The following KLK6 variants were observed in gnomAD, a reference collection of about 807,000 sequenced individuals.
KLK6 encodes the protein kallikrein-6.
KLK6 carries 16 observed loss-of-function variants against 21.7 expected under a neutral mutation model. The ratio of observed to expected loss-of-function variants is 0.74; its 90% CI spans 0.50 to 1.12. The LOEUF is 1.12. Among genes scored for constraint, KLK6 ranks in the 50% most tolerant of loss-of-function variants. The pLI, the probability that KLK6 is intolerant of heterozygous loss-of-function variation, is 0.00. For synonymous variants in KLK6, 116 were observed against 120.1 expected, an observed-to-expected ratio of 0.97 and a Z score of 0.22; for missense variants, 276 against 304.6, an observed-to-expected ratio of 0.91 and a Z score of 0.70.
intron 6 of KLK6, among the ~76,000 whole-genome samples, chr19:50,960,972 G>T (rs1304356935): frequency 1.3e-5 from 2 of 152,202 alleles, no homozygotes; most frequent in Non-Finnish European, 2.9e-5. Context: ...CCCCATATCG[G>T]CCAGGCTGGT....
chr19:50,962,222 C>T, intron 5 of KLK6: 2 of 245,658 alleles, frequency 8.1e-6, no homozygotes, highest in African/African-American at 2.3e-5. Context: ...TTTCAGTTGA[C>T]CTGGAGGACT....
chr19:50,959,356 C>T, intron 6 of KLK6, 40 bp from the exon 7 acceptor site: 1 of 1,383,330 alleles, frequency 7.2e-7, no homozygotes, highest in Non-Finnish European at 1.0e-6. Flanking sequence ...AGATAGAAAC[C>T]CAGAGACTGT....
At chr19:50,960,390 G>A (rs12461228) in intron 6 of KLK6, among the ~76,000 whole-genome samples, 53,741 of 151,688 alleles carry the variant, frequency 0.35, 10,807 homozygotes, top group East Asian at 0.64. Context: ...ACATCCCTCA[G>A]TGCATTAGTC....
chr19:50,964,123 G>C (rs1357422212), intron 4 of KLK6, among the ~76,000 whole-genome samples: 1 of 152,064 alleles, frequency 6.6e-6, no homozygotes, highest in Non-Finnish European at 1.5e-5. Context: ...CCAAACGCTG[G>C]CTTCCCTGTC....
In KLK6 at chr19:50,958,966, C is replaced by T. The variant is rs1188508350; in HGVS notation, c.*198G>A. 7 of 622,868 alleles carry T rather than the reference C, an allele frequency of 1.1e-5. No homozygotes were observed. The highest frequency in any genetic ancestry group is 2.0e-5 in the Non-Finnish European group (7 of 348,034). 38.6% of individuals were successfully genotyped at this position (622,868 alleles called of 1,614,324 possible). On this transcript the variant is annotated 3_prime_UTR_variant, in exon 7 of 7. Coordinates refer to ENST00000310157, the MANE Select transcript of KLK6 (RefSeq NM_002774.4). The stretch of plus-strand genomic sequence containing the variant: ...GTAAGACCGAGGACCCAAGTCCTCA[C>T]TCATCACGTCCTCCCCAGTGATGCA...
At chr19:50,961,710 T>A (rs761203981) in intron 6 of KLK6, 34 bp downstream of exon 6, 2 of 1,607,352 alleles carry the variant, frequency 1.2e-6, no homozygotes, top group Non-Finnish European at 1.7e-6. Context: ...GTCCTGTCCC[T>A]GGCTGTGTAA....
At chr19:50,967,416 G>A (rs1354967380) in intron 3 of KLK6, 91 bp from the exon 4 acceptor site, 14 of 1,305,112 alleles carry the variant, frequency 1.1e-5, no homozygotes, top group African/African-American at 2.9e-5. Flanking sequence ...TTGGTCAGGT[G>A]CAGTGGCTTA....
intron 2 of KLK6, 176 bp from the exon 3 acceptor site, chr19:50,968,288 A>G (rs1054247854): frequency 4.5e-6 from 3 of 665,024 alleles, no homozygotes; most frequent in African/African-American, 1.8e-5. Flanking sequence ...ATCTTCCATC[A>G]GAGGATCCCA....
intron 4 of KLK6, among the ~76,000 whole-genome samples, chr19:50,965,126 C>T (rs1372839710): frequency 2.0e-5 from 3 of 152,108 alleles, no homozygotes; most frequent in Admixed American, 6.6e-5. Context: ...GACAGGGTCT[C>T]GCTCTGTCAC....
chr19:50,966,629 C>T (rs1046537951), intron 4 of KLK6, among the ~76,000 whole-genome samples: 2 of 152,162 alleles, frequency 1.3e-5, no homozygotes, highest in East Asian at 1.9e-4. Context: ...GGTGAAACCC[C>T]GTCTCTACCA....
At chr19:50,961,936 C>T in intron 5 of KLK6, 56 bp from the exon 6 acceptor site, 1 of 1,565,654 alleles carries the variant, frequency 6.4e-7, no homozygotes, top group Non-Finnish European at 8.6e-7. Context: ...CCCTCATCCT[C>T]CCCAGTCACC....
intron 4 of KLK6, among the ~76,000 whole-genome samples, chr19:50,965,571 C>G (rs12974838): frequency 7.2e-5 from 11 of 152,158 alleles, no homozygotes; most frequent in African/African-American, 1.2e-4. Context: ...AGCCACCATG[C>G]CCAGCCCTCA....
In KLK6 at chr19:50,966,418, C is replaced by T. The variant is rs943852562; in HGVS notation, c.197+751G>A. ...GGTTCAAGCCACCCTCCTATGTCGCCGGATGAAAGCAACAGCCCCCACGTG... is the reference window on the plus strand; with the variant it reads ...GGTTCAAGCCACCCTCCTATGTCGCTGGATGAAAGCAACAGCCCCCACGTG... On this transcript the variant is annotated intron_variant, in intron 4 of 6. Coordinates refer to ENST00000310157, the MANE Select transcript of KLK6 (RefSeq NM_002774.4). Among the ~76,000 whole-genome samples the T allele has an allele frequency of 5.3e-5, 8 of 152,344 alleles. No individual in the cohort carries two copies. The South Asian group carries it at 6.2e-4, about 12-fold the overall frequency.
At chr19:50,967,395 T>A in intron 3 of KLK6, 70 bp from the exon 4 acceptor site, 1 of 1,441,802 alleles carries the variant, frequency 6.9e-7, no homozygotes, top group Non-Finnish European at 9.4e-7. Context: ...CAACATGAAC[T>A]CCAGTCAAGA....
intron 5 of KLK6, 172 bp from the exon 6 acceptor site, chr19:50,962,052 C>T: frequency 1.6e-6 from 1 of 618,642 alleles, no homozygotes; most frequent in Non-Finnish European, 2.6e-6. Flanking sequence ...TCGTCCCTGC[C>T]TCCTAATTGG....
In KLK6 at chr19:50,961,812, A is replaced by G. The variant is rs2090845653; in HGVS notation, c.514T>C (p.Tyr172His). 2 of 1,614,046 alleles carry G rather than the reference A, an allele frequency of 1.2e-6. No individual in the cohort carries two copies. The highest frequency in any genetic ancestry group is 1.7e-6 in the Non-Finnish European group (2 of 1,179,966). ...LVSREECEHAYPGQITQNMLC... is the reference protein window; with the variant it reads ...LVSREECEHAHPGQITQNMLC... ...ATGTTCTGGGTGATCTGGCCAGGGT[A>G]GGCATGCTCACACTCCTCACGGGAC... Residue 172 changes from tyrosine to histidine, a missense_variant, in exon 6 of 7, where the codon TAC (tyrosine) becomes CAC (histidine). Physicochemically the swap from Tyr to His is moderately conservative, Grantham distance 83 (BLOSUM62 2). Transcript: ENST00000310157.
At position 50,963,364 on chromosome 19, in the gene KLK6, T is replaced by A. The variant is rs1436812073; in HGVS notation, c.383A>T (p.Glu128Val). The change falls in exon 5 of 7, where the codon GAG (glutamate) becomes GTG (valine). Residue 128 changes from glutamate to valine, a missense_variant. Glu to Val is a moderately radical substitution (Grantham distance 121). Coordinates refer to ENST00000310157, the MANE Select transcript of KLK6 (RefSeq NM_002774.4). Reference sequence around the variant, plus strand: ...GGTGGTGTTGGCTGAGCAGTCCCTCTCCAGGGGAAGGGGCTGGATGAGTTC... The same window carrying A: ...GGTGGTGTTGGCTGAGCAGTCCCTCACCAGGGGAAGGGGCTGGATGAGTTC... ...LSELIQPLPL[E>V]RDCSANTTSC... 1.2e-6 allele frequency: 2 copies of A among 1,614,110 alleles called. No individual in the cohort carries two copies. The highest frequency in any genetic ancestry group is 3.3e-5 in the Admixed American group (2 of 60,014).
chr19:50,965,754 C>A (rs79674355), intron 4 of KLK6, among the ~76,000 whole-genome samples: 1 of 152,166 alleles, frequency 6.6e-6, no homozygotes, highest in Non-Finnish European at 1.5e-5. Flanking sequence ...CCAAGGTCTC[C>A]TTGGGGTCAG....
Position 50,959,328 on chromosome 19 carries a change from A to AG in KLK6, c.583-13dup, listed in dbSNP as rs1568534631. On this transcript the variant is annotated splice_polypyrimidine_tract_variant and intron_variant, in intron 6 of 6. Transcript: ENST00000310157. ...CCCCCAGAATCACCCTGCAGGAAAG[A>AG]GGGAGAAAGTCAGATACAGATAGAA... The AG allele has an allele frequency of 1.2e-6, 2 of 1,612,516 alleles. No homozygotes were observed. Among genetic ancestry groups the AG allele is most frequent in the South Asian group, 2.2e-5 (2 of 90,984 alleles).
Sources: allele counts gnomAD v4.1 joint callset (sites outside exome capture counted in the v4.1 genomes callset), GRCh38; gene constraint gnomAD v4.1.1; transcripts MANE v1.5; gene names NCBI Gene and HGNC (gene_info 2026-07-23, HGNC 2026-07-21).